The following LOC128706666 variants were observed in gnomAD, a reference collection of about 807,000 sequenced individuals.
the LOC128706666 span, among the ~76,000 whole-genome samples, chr20:10,418,010 C>T: frequency 6.6e-6 from 1 of 152,146 alleles, no homozygotes; most frequent in Non-Finnish European, 1.5e-5. Context: ...TTCCAACAAA[C>T]CACCTGAAAA....
the LOC128706666 span, among the ~76,000 whole-genome samples, chr20:10,425,398 C>A: frequency 6.6e-6 from 1 of 152,178 alleles, no homozygotes; most frequent in Non-Finnish European, 1.5e-5. Flanking sequence ...ACTCCAGAGT[C>A]CATGCTCAAA....
At chr20:10,430,810 T>G in the LOC128706666 span, among the ~76,000 whole-genome samples, 20 of 152,354 alleles carry the variant, frequency 1.3e-4, no homozygotes, top group South Asian at 1.4e-3. Context: ...TCATGTATGT[T>G]TCTCTAATAA....
At chr20:10,420,063 C>G in the LOC128706666 span, among the ~76,000 whole-genome samples, 5 of 151,754 alleles carry the variant, frequency 3.3e-5, no homozygotes, top group African/African-American at 1.2e-4. Flanking sequence ...GACTATAGAC[C>G]TAAATTATAT....
the LOC128706666 span, among the ~76,000 whole-genome samples, chr20:10,417,671 T>TA: frequency 6.6e-5 from 10 of 150,512 alleles, no homozygotes; most frequent in East Asian, 3.9e-4. Flanking sequence ...GCCTTCTCTG[T>TA]AAAAAAAAAA....
At chr20:10,422,708 ATTATC>A in the LOC128706666 span, among the ~76,000 whole-genome samples, 2 of 147,004 alleles carry the variant, frequency 1.4e-5, no homozygotes, top group African/African-American at 5.2e-5. Context: ...ATCAAGTTAT[ATTATC>A]TTTTTTTTTT....
chr20:10,430,465 T>C, the LOC128706666 span, among the ~76,000 whole-genome samples: 1 of 152,152 alleles, frequency 6.6e-6, no homozygotes, highest in Non-Finnish European at 1.5e-5. Context: ...ATTTTGATTA[T>C]GTCAAAAAGA....
At chr20:10,415,817 T>G in the LOC128706666 span, among the ~76,000 whole-genome samples, 1 of 152,218 alleles carries the variant, frequency 6.6e-6, no homozygotes, top group African/African-American at 2.4e-5. Context: ...CTGTCAGTCT[T>G]ACAGTAGTGA....
chr20:10,424,880 T>C, the LOC128706666 span, among the ~76,000 whole-genome samples: 112 of 151,934 alleles, frequency 7.4e-4, no homozygotes, highest in African/African-American at 2.6e-3. Flanking sequence ...GGTGAAACCC[T>C]GTCTCTACTA....
At chr20:10,417,602 C>T in the LOC128706666 span, among the ~76,000 whole-genome samples, 2 of 151,976 alleles carry the variant, frequency 1.3e-5, no homozygotes, top group African/African-American at 4.8e-5. Flanking sequence ...AAATCAAGGC[C>T]TGTGCCCAAG....
At chr20:10,421,150 C>T in the LOC128706666 span, among the ~76,000 whole-genome samples, 31 of 152,054 alleles carry the variant, frequency 2.0e-4, no homozygotes, top group South Asian at 2.1e-4. Context: ...TAATTACAGG[C>T]TGAGGGTGGT....
the LOC128706666 span, among the ~76,000 whole-genome samples, chr20:10,424,988 G>A: frequency 3.3e-5 from 5 of 151,618 alleles, no homozygotes; most frequent in Admixed American, 3.3e-4. Flanking sequence ...GGGAGGCGGA[G>A]GTTGCAGTGA....
chr20:10,420,456 G>C, the LOC128706666 span: 1 of 152,198 alleles, frequency 6.6e-6, no homozygotes, highest in Non-Finnish European at 1.5e-5. Flanking sequence ...CCTTGCCAGA[G>C]ATCTAAAAGA....
chr20:10,431,930 C>G, the LOC128706666 span: 1 of 130,272 alleles, frequency 7.7e-6, no homozygotes, highest in Non-Finnish European at 1.7e-5. Context: ...CCCTCTCCCT[C>G]CCCATTATTC....
the LOC128706666 span, among the ~76,000 whole-genome samples, chr20:10,430,670 G>T: frequency 6.6e-6 from 1 of 152,188 alleles, no homozygotes; most frequent in African/African-American, 2.4e-5. Context: ...CTAGGGTAGT[G>T]AATCTGGTAA....
At chr20:10,423,827 T>G in the LOC128706666 span, among the ~76,000 whole-genome samples, 4 of 152,232 alleles carry the variant, frequency 2.6e-5, no homozygotes, top group Admixed American at 2.0e-4. Context: ...CTATTTTAAC[T>G]GAAAACTCTA....
At chr20:10,425,786 CAA>C in the LOC128706666 span, among the ~76,000 whole-genome samples, 3 of 150,142 alleles carry the variant, frequency 2.0e-5, no homozygotes. Context: ...TGGAGCAAAG[CAA>C]CAAGAGAAAT....
At chr20:10,433,332 G>C in the LOC128706666 span, among the ~76,000 whole-genome samples, 1 of 152,190 alleles carries the variant, frequency 6.6e-6, no homozygotes, top group Non-Finnish European at 1.5e-5. Context: ...TCCGCAGTTG[G>C]TTGAATTCAC....
chr20:10,433,805 A>C, the LOC128706666 span, among the ~76,000 whole-genome samples: 1 of 152,144 alleles, frequency 6.6e-6, no homozygotes, highest in African/African-American at 2.4e-5. Flanking sequence ...TCGGCGTAGA[A>C]GGCGGCAGCG....
chr20:10,433,504 A>C, the LOC128706666 span, among the ~76,000 whole-genome samples: 1 of 152,324 alleles, frequency 6.6e-6, no homozygotes, highest in South Asian at 2.1e-4. Flanking sequence ...GATGTTAATG[A>C]ATGAATGAAA....
Sources: allele counts gnomAD v4.1 joint callset (sites outside exome capture counted in the v4.1 genomes callset), GRCh38; gene constraint gnomAD v4.1.1; transcripts MANE v1.5.